Variants in SLC39A11 observed in about 807,000 individuals in gnomAD.
The protein encoded by SLC39A11 is solute carrier family 39 member 11.
A neutral mutation model predicts 36.1 loss-of-function variants in SLC39A11; 33 were observed. The observed-to-expected ratio is 0.91, with a 90% CI of 0.69 to 1.22. The LOEUF (loss-of-function observed/expected upper bound fraction) is 1.22, where lower values mean the gene tolerates loss of function less well. SLC39A11 is among the 50% of genes most tolerant of loss of function. SLC39A11 has a pLI of 0.00. For synonymous variants in SLC39A11, 166 were observed against 170.3 expected, an observed-to-expected ratio of 0.97 and a Z score of 0.20; for missense variants, 432 against 430.3, an observed-to-expected ratio of 1.00 and a Z score of -0.03.
At chr17:72,997,388 G>A (rs1448816188) in intron 4 of SLC39A11, among the ~76,000 whole-genome samples, 2 of 152,106 alleles carry the variant, frequency 1.3e-5, no homozygotes, top group Non-Finnish European at 2.9e-5. Flanking sequence ...AGAGAAGCTG[G>A]GATTATAGGT....
chr17:72,669,944 GTA>G (rs1462506824), intron 7 of SLC39A11, among the ~76,000 whole-genome samples: 3 of 143,398 alleles, frequency 2.1e-5, no homozygotes, highest in African/African-American at 7.8e-5. Flanking sequence ...ACGTATAGAT[GTA>G]TATACACATA....
At chr17:73,065,159 C>G (rs58936824) in intron 3 of SLC39A11, among the ~76,000 whole-genome samples, 15,411 of 152,142 alleles carry the variant, frequency 0.1, 1,214 homozygotes, top group East Asian at 0.22. Flanking sequence ...AATCCCAGCA[C>G]TTTGGGAGGC....
In SLC39A11 at chr17:72,918,938, C is replaced by T. The variant is rs560818883; in HGVS notation, c.430+28814G>A. On this transcript the variant is annotated intron_variant, in intron 5 of 9. Coordinates refer to ENST00000255559, the MANE Select transcript of SLC39A11 (RefSeq NM_139177.4). ...ATTAGCTGGGCGTGGTGGTATGTACCCATAATCCCAACTACTCAGGAGGCT... is the reference window on the plus strand; with the variant it reads ...ATTAGCTGGGCGTGGTGGTATGTACTCATAATCCCAACTACTCAGGAGGCT... Among the ~76,000 whole-genome samples, 3 of 152,112 alleles carry T rather than the reference C, an allele frequency of 2.0e-5. No individual in the cohort carries two copies. The East Asian group carries it at 5.8e-4, about 30-fold the overall frequency.
At chr17:73,030,755 A>G (rs576105752) in intron 4 of SLC39A11, among the ~76,000 whole-genome samples, 1 of 152,156 alleles carries the variant, frequency 6.6e-6, no homozygotes, top group South Asian at 2.1e-4. Flanking sequence ...TCCTCTACTG[A>G]CAGTGGTGCA....
chr17:73,071,568 T>C (rs971883221), intron 3 of SLC39A11, among the ~76,000 whole-genome samples: 6 of 152,142 alleles, frequency 3.9e-5, no homozygotes, highest in Non-Finnish European at 8.8e-5. Flanking sequence ...AGCACAGTGG[T>C]CCCGATGGTT....
intron 5 of SLC39A11, among the ~76,000 whole-genome samples, chr17:72,861,738 G>GA (rs2080035785): frequency 1.8e-5 from 1 of 55,894 alleles, no homozygotes; most frequent in Non-Finnish European, 3.2e-5. Flanking sequence ...ACACATTGGA[G>GA]ATTATATATA....
At chr17:73,000,360 C>G (rs1219999100) in intron 4 of SLC39A11, among the ~76,000 whole-genome samples, 3 of 151,724 alleles carry the variant, frequency 2.0e-5, no homozygotes, top group Non-Finnish European at 4.4e-5. Flanking sequence ...GCCTCCTCCT[C>G]ATCCTCCTCC....
chr17:73,022,300 G>T (rs1247615834), intron 4 of SLC39A11, among the ~76,000 whole-genome samples: 1 of 152,204 alleles, frequency 6.6e-6, no homozygotes, highest in Non-Finnish European at 1.5e-5. Context: ...TCTTCTCTAA[G>T]AATCAGCCAG....
chr17:72,867,790 G>A (rs371261881), intron 5 of SLC39A11, among the ~76,000 whole-genome samples: 37 of 147,222 alleles, frequency 2.5e-4, no homozygotes, highest in South Asian at 6.5e-4. Flanking sequence ...ACACACACAC[G>A]CACACACACC....
chr17:73,090,448 T>C (rs1241561884), intron 1 of SLC39A11, among the ~76,000 whole-genome samples: 2 of 152,238 alleles, frequency 1.3e-5, no homozygotes, highest in African/African-American at 4.8e-5. Flanking sequence ...ATCCGTCATC[T>C]TGCTAAGCCA....
intron 6 of SLC39A11, among the ~76,000 whole-genome samples, chr17:72,790,380 C>A (rs953082628): frequency 6.6e-6 from 1 of 152,110 alleles, no homozygotes; most frequent in African/African-American, 2.4e-5. Flanking sequence ...ACAACAAAAC[C>A]GCACCCTTCT....
At chr17:72,969,302 T>G (rs1224100269) in intron 4 of SLC39A11, among the ~76,000 whole-genome samples, 1 of 151,292 alleles carries the variant, frequency 6.6e-6, no homozygotes, top group Non-Finnish European at 1.5e-5. Context: ...AGGGCTGTAA[T>G]GTGCGGAGGG....
intron 6 of SLC39A11, among the ~76,000 whole-genome samples, chr17:72,842,740 C>A (rs1416545165): frequency 1.3e-5 from 2 of 152,174 alleles, no homozygotes; most frequent in African/African-American, 2.4e-5. Context: ...CCCTAGACCA[C>A]CCCCACAGAT....
chr17:72,849,613 C>A (rs141064511), intron 6 of SLC39A11, 21 bp downstream of exon 6: 2 of 1,462,894 alleles, frequency 1.4e-6, no homozygotes, highest in Non-Finnish European at 1.8e-6. Context: ...GTGGCTGTCA[C>A]GCTCACGGGC....
chr17:72,890,362 G>A (rs2081667502), intron 5 of SLC39A11, among the ~76,000 whole-genome samples: 2 of 152,006 alleles, frequency 1.3e-5, no homozygotes, highest in Non-Finnish European at 2.9e-5. Context: ...TATAACTAGG[G>A]ATTCAACTAG....
intron 6 of SLC39A11, among the ~76,000 whole-genome samples, chr17:72,832,301 T>C (rs2078318458): frequency 1.3e-5 from 2 of 152,200 alleles, no homozygotes; most frequent in Non-Finnish European, 1.5e-5. Flanking sequence ...ATTGGGAGCT[T>C]GGATTCGTCA....
At chr17:72,907,261 G>A (rs1475458725) in intron 5 of SLC39A11, among the ~76,000 whole-genome samples, 1 of 152,166 alleles carries the variant, frequency 6.6e-6, no homozygotes, top group Non-Finnish European at 1.5e-5. Context: ...AGGCCGAGGC[G>A]GGCGCATCAT....
At position 72,753,191 on chromosome 17, in the gene SLC39A11, G is replaced by A. The variant is rs142105275; in HGVS notation, c.602-16472C>T. Among the ~76,000 whole-genome samples, 1,267 of 152,222 alleles carry A rather than the reference G, an allele frequency of 8.3e-3. 19 individuals carry two copies. Among genetic ancestry groups the A allele is most frequent in the African/African-American group, 0.029 (1,220 of 41,534 alleles). On this transcript the variant is annotated intron_variant, in intron 6 of 9. Coordinates refer to ENST00000255559, the MANE Select transcript of SLC39A11 (RefSeq NM_139177.4). Reference sequence around the variant, plus strand: ...GAGATTCATCAAGATATGTCTGAGTGGGGTATTTTCTCCATTCCCACTATT... The same window carrying A: ...GAGATTCATCAAGATATGTCTGAGTAGGGTATTTTCTCCATTCCCACTATT...
At chr17:72,999,193 C>T (rs183942817) in intron 4 of SLC39A11, among the ~76,000 whole-genome samples, 4 of 152,280 alleles carry the variant, frequency 2.6e-5, no homozygotes, top group Non-Finnish European at 4.4e-5. Flanking sequence ...AGGTTCCTAG[C>T]GCAACACTAA....
Sources: gnomAD v4.1 joint callset for allele counts (sites outside exome capture counted in the v4.1 genomes callset) on GRCh38, gnomAD v4.1.1 for gene constraint, MANE v1.5 for transcripts, NCBI Gene and HGNC (gene_info 2026-07-23, HGNC 2026-07-21) for gene names.